The following BRF1 variants were observed in gnomAD, a reference collection of about 807,000 sequenced individuals.
The protein encoded by BRF1 is transcription factor IIIB 90 kDa subunit.
A neutral mutation model predicts 81.7 loss-of-function variants in BRF1; 59 were observed. The observed-to-expected ratio is 0.72, with a 90% CI of 0.59 to 0.90. BRF1 has a LOEUF of 0.90. Ranked by LOEUF, BRF1 falls within the 40% of genes least tolerant of loss-of-function variation. The pLI is 0.00. For missense variants in BRF1, 1,050 were observed against 936.3 expected, an observed-to-expected ratio of 1.12 and a Z score of -1.58; for synonymous variants, 491 against 395.6, an observed-to-expected ratio of 1.24 and a Z score of -2.86.
intron 5 of BRF1, chr14:105,241,699 A>C (rs2141672942): frequency 4.1e-6 from 2 of 487,348 alleles, no homozygotes; most frequent in South Asian, 4.3e-5. Flanking sequence ...CAGGACACAG[A>C]GGGGCGCACA....
intron 3 of BRF1, among the ~76,000 whole-genome samples, chr14:105,258,285 G>A (rs1230111902): frequency 1.3e-5 from 2 of 151,180 alleles, no homozygotes; most frequent in East Asian, 2.0e-4. Context: ...TCAGGAGATC[G>A]AGACCATCCT....
intron 1 of BRF1, among the ~76,000 whole-genome samples, chr14:105,292,179 CTTTG>C (rs1271843353): frequency 2.0e-5 from 3 of 151,844 alleles, no homozygotes; most frequent in Non-Finnish European, 2.9e-5. Context: ...TTTTTGTTTT[CTTTG>C]TTTGTTTTTT....
At position 105,210,464 on chromosome 14, in the gene BRF1, T is replaced by C; in HGVS notation, c.*87A>G. 5 of 1,508,812 alleles carry C rather than the reference T, an allele frequency of 3.3e-6. No individual in the cohort carries two copies. Among genetic ancestry groups the C allele is most frequent in the South Asian group, 2.3e-5 (2 of 85,746 alleles). 93.5% of individuals were successfully genotyped at this position (1,508,812 alleles called of 1,614,324 possible). On this transcript the variant is annotated 3_prime_UTR_variant, in exon 18 of 18. Coordinates refer to ENST00000547530, the MANE Select transcript of BRF1 (RefSeq NM_001519.4). The surrounding 1 kb of genome is among the most constrained non-coding windows in gnomAD (Gnocchi z 4.7). ...CACCAGGAGTCTCGGCGCTGGGGCC[T>C]GCCTGCTGCGGTCCTGGAAGCCCGT...
intron 8 of BRF1, 79 bp downstream of exon 8, chr14:105,226,555 C>T: frequency 6.3e-7 from 1 of 1,596,728 alleles, no homozygotes; most frequent in South Asian, 1.1e-5. Context: ...ACCAGCTCTG[C>T]TACAACCCCA....
chr14:105,307,789 G>A (rs587692636), intron 1 of BRF1, among the ~76,000 whole-genome samples: 10 of 152,338 alleles, frequency 6.6e-5, no homozygotes, highest in Admixed American at 2.0e-4. Flanking sequence ...GAGGACATGT[G>A]TCTGGTAGAC....
chr14:105,247,945 C>G, intron 5 of BRF1: 1 of 985,482 alleles, frequency 1.0e-6, no homozygotes, highest in Non-Finnish European at 1.2e-6. Context: ...AGCGAGCCTG[C>G]GACTGCGATC....
intron 15 of BRF1, chr14:105,212,414 G>A (rs1289215222): frequency 1.0e-5 from 5 of 486,156 alleles, no homozygotes; most frequent in Admixed American, 3.4e-5. Context: ...CAGACGCCCC[G>A]CTCCCCAGCC....
chr14:105,314,426 A>G lies in BRF1; in HGVS notation c.-162+896T>C, dbSNP rs1595535256. On this transcript the variant is annotated intron_variant, in intron 1 of 17. Coordinates refer to the BRF1 transcript ENST00000327359. ...GCTGGCCGGGACCCGGTGGACCCCC[A>G]CGACTCTCCCGGCCCTTGCCCGCGG... The G allele has an allele frequency of 2.0e-5, 3 of 146,832 alleles. No homozygotes were observed. The East Asian group carries it at 6.1e-4, about 30-fold the overall frequency. 9.1% of individuals were successfully genotyped at this position (146,832 alleles called of 1,614,324 possible). A position where few individuals can be genotyped will look rare whatever the true frequency, so the allele number is the denominator to read the frequency against.
At position 105,256,440 on chromosome 14, in the gene BRF1, C is replaced by T. The variant is rs368438916; in HGVS notation, c.471+78G>A. 15 of 1,613,812 alleles carry T rather than the reference C, an allele frequency of 9.3e-6. No individual in the cohort carries two copies. In the African/African-American group the frequency reaches 1.1e-4, roughly 11 times the overall value. ...GAGATGCGTGGAGGCACCTGGGGTA[C>T]ACCCCGGTCACAACCCTGGTCACAA... On this transcript the variant is annotated intron_variant, in intron 4 of 17. Transcript: ENST00000547530.
intron 3 of BRF1, among the ~76,000 whole-genome samples, chr14:105,266,062 C>T (rs971883890): frequency 2.0e-5 from 3 of 151,818 alleles, no homozygotes; most frequent in Non-Finnish European, 4.4e-5. Flanking sequence ...GGCAGTGAGA[C>T]TCTGTCTCAA....
chr14:105,212,381 A>C, intron 15 of BRF1: 1 of 573,816 alleles, frequency 1.7e-6, no homozygotes. Flanking sequence ...AGCGAGCAGC[A>C]CTCGACACAA....
At chr14:105,251,950 C>A (rs982648952) in intron 5 of BRF1, among the ~76,000 whole-genome samples, 1 of 152,036 alleles carries the variant, frequency 6.6e-6, no homozygotes, top group South Asian at 2.1e-4. Context: ...TCCACAAACT[C>A]GCACACAACA....
chr14:105,295,535 G>C lies in BRF1; in HGVS notation c.184+4911C>G, dbSNP rs1466998582. Among the ~76,000 whole-genome samples, 7 of 152,030 alleles carry C rather than the reference G, an allele frequency of 4.6e-5. No homozygotes were observed. The East Asian group carries it at 9.7e-4, about 21-fold the overall frequency. On this transcript the variant is annotated intron_variant, in intron 1 of 17. Coordinates refer to ENST00000547530, the MANE Select transcript of BRF1 (RefSeq NM_001519.4). The stretch of plus-strand genomic sequence containing the variant: ...AGCTGGGAGGGTCACTGGAGCCCAG[G>C]GGGTTACGACTGCAGTAAGCCATGA...
intron 3 of BRF1, among the ~76,000 whole-genome samples, chr14:105,257,613 C>T (rs908199456): frequency 2.0e-5 from 3 of 152,150 alleles, no homozygotes; most frequent in African/African-American, 7.2e-5. Context: ...CCCAGAGGGC[C>T]GAGACAACGG....
intron 4 of BRF1, among the ~76,000 whole-genome samples, chr14:105,253,349 G>A (rs1322948376): frequency 6.6e-6 from 1 of 152,216 alleles, no homozygotes; most frequent in Non-Finnish European, 1.5e-5. Context: ...CCCTACTGGA[G>A]CCTGCAAGAG....
intron 2 of BRF1, among the ~76,000 whole-genome samples, chr14:105,279,520 C>T (rs1352231315): frequency 6.7e-6 from 1 of 149,992 alleles, no homozygotes; most frequent in Non-Finnish European, 1.5e-5. Context: ...ACACACCTAC[C>T]AGAAAGACTA....
chr14:105,267,273 T>C (rs2056459499), intron 3 of BRF1, among the ~76,000 whole-genome samples: 1 of 152,024 alleles, frequency 6.6e-6, no homozygotes, highest in Non-Finnish European at 1.5e-5. Context: ...GTGCCGGTGT[T>C]TCCAGGTCAG....
At chr14:105,221,035 C>T (rs1362628487) in intron 11 of BRF1, among the ~76,000 whole-genome samples, 1 of 152,234 alleles carries the variant, frequency 6.6e-6, no homozygotes. Context: ...GATAAACATT[C>T]GCCTGGCTCC....
At chr14:105,241,036 C>A (rs12433209) in intron 6 of BRF1, among the ~76,000 whole-genome samples, 1,541 of 152,332 alleles carry the variant, frequency 0.01, 71 homozygotes, top group Admixed American at 0.087. Context: ...CCGCTCTGCC[C>A]TGAGAGTTCT....
Sources: gnomAD v4.1 joint callset for allele counts (sites outside exome capture counted in the v4.1 genomes callset) on GRCh38, gnomAD v4.1.1 for gene constraint, Gnocchi (gnomAD v3.1) non-coding constraint, MANE v1.5 for transcripts, NCBI Gene and HGNC (gene_info 2026-07-23, HGNC 2026-07-21) for gene names.